Variants in SV2C observed in about 807,000 individuals in gnomAD.
The protein encoded by SV2C is synaptic vesicle glycoprotein 2C.
Under a neutral mutation model 79.7 loss-of-function variants are expected in SV2C, and 49 were observed. That is an observed-to-expected ratio of 0.61 (90% confidence interval 0.49 to 0.78). The LOEUF (loss-of-function observed/expected upper bound fraction) is 0.78. Ranked by LOEUF, SV2C falls within the 30% of genes least tolerant of loss-of-function variation. The probability of loss-of-function intolerance (pLI) is 0.00; values close to 1 mark genes in which losing one functional copy is unlikely to be tolerated. For missense variants in SV2C, 833 were observed against 912.9 expected (o/e 0.91, Z 1.13); for synonymous variants, 334 against 333.2 (o/e 1.00, Z -0.03).
the SV2C span, among the ~76,000 whole-genome samples, chr5:75,949,681 A>G: frequency 5.3e-5 from 8 of 151,986 alleles, no homozygotes; most frequent in Non-Finnish European, 1.5e-5. Flanking sequence ...GTCTGCCACC[A>G]TGTAAGATAT....
chr5:76,064,735 T>A, the SV2C span, among the ~76,000 whole-genome samples: 1 of 152,132 alleles, frequency 6.6e-6, no homozygotes, highest in African/African-American at 2.4e-5. Context: ...ATTGAGATGG[T>A]CAGAAGGTTA....
the SV2C span, among the ~76,000 whole-genome samples, chr5:75,998,011 A>G: frequency 6.6e-6 from 1 of 152,160 alleles, no homozygotes; most frequent in African/African-American, 2.4e-5. Context: ...CTATGCAGCC[A>G]TAAAAAAGGA....
intron 2 of SV2C, chr5:76,173,571 T>C: frequency 6.5e-7 from 1 of 1,530,874 alleles, no homozygotes; most frequent in Admixed American, 1.7e-5. Flanking sequence ...ATGCTGGCAC[T>C]GTTGAATTGG....
chr5:75,878,635 C>T, the SV2C span, among the ~76,000 whole-genome samples: 3,742 of 152,158 alleles, frequency 0.025, 158 homozygotes, highest in African/African-American at 0.086. Flanking sequence ...TACTGTTATT[C>T]AATGGAAATT....
the SV2C span, among the ~76,000 whole-genome samples, chr5:75,955,116 G>C: frequency 6.7e-6 from 1 of 149,148 alleles, no homozygotes; most frequent in African/African-American, 2.5e-5. Flanking sequence ...AACAAAGCTG[G>C]AGGCATCACA....
At chr5:76,320,150 T>C (rs549411406) in intron 12 of SV2C, among the ~76,000 whole-genome samples, 50 of 147,600 alleles carry the variant, frequency 3.4e-4, no homozygotes, top group African/African-American at 1.3e-3. Flanking sequence ...TCGTCTCGTC[T>C]TCCTTTTTTT....
chr5:75,920,424 T>G, the SV2C span, among the ~76,000 whole-genome samples: 3 of 152,056 alleles, frequency 2.0e-5, no homozygotes, highest in African/African-American at 7.2e-5. Context: ...CTGCCTAAGA[T>G]CTGAACCAAA....
At chr5:75,909,203 C>A in the SV2C span, among the ~76,000 whole-genome samples, 1 of 152,164 alleles carries the variant, frequency 6.6e-6, no homozygotes, top group East Asian at 1.9e-4. Flanking sequence ...CAAAATGTGG[C>A]CAAATTGGTC....
At chr5:75,901,061 A>G in the SV2C span, among the ~76,000 whole-genome samples, 1 of 152,002 alleles carries the variant, frequency 6.6e-6, no homozygotes, top group African/African-American at 2.4e-5. Context: ...TAGTTTGATC[A>G]TCTGAAGCCT....
chr5:75,981,566 G>A, the SV2C span, among the ~76,000 whole-genome samples: 5 of 151,944 alleles, frequency 3.3e-5, no homozygotes, highest in East Asian at 9.7e-4. Flanking sequence ...AAGACCACAC[G>A]CCAACAACTA....
chr5:75,941,586 T>G, the SV2C span, among the ~76,000 whole-genome samples: 23 of 152,340 alleles, frequency 1.5e-4, no homozygotes, highest in African/African-American at 5.5e-4. Context: ...TATATGGCTG[T>G]CCAGCTAAAA....
chr5:76,262,527 C>T (rs1013763431), intron 4 of SV2C, among the ~76,000 whole-genome samples: 2 of 151,976 alleles, frequency 1.3e-5, no homozygotes, highest in Non-Finnish European at 2.9e-5. Flanking sequence ...TGTTAGGTGT[C>T]GATTTTAAGG....
intron 4 of SV2C, among the ~76,000 whole-genome samples, chr5:76,231,022 G>A (rs958378009): frequency 2.0e-5 from 3 of 152,178 alleles, no homozygotes; most frequent in Non-Finnish European, 4.4e-5. Flanking sequence ...GAATGGATTA[G>A]GAACTCTCTG....
chr5:75,953,912 G>A, the SV2C span, among the ~76,000 whole-genome samples: 17,189 of 151,836 alleles, frequency 0.11, 2,790 homozygotes, highest in African/African-American at 0.36. Flanking sequence ...ACCTCCAAAT[G>A]AACTGTTTGC....
chr5:76,186,360 C>A (rs1743917631), intron 2 of SV2C, among the ~76,000 whole-genome samples: 1 of 152,168 alleles, frequency 6.6e-6, no homozygotes, highest in Admixed American at 6.6e-5. Flanking sequence ...CATTCTCACA[C>A]TGCTATGAAA....
chr5:76,037,601 G>T, the SV2C span, among the ~76,000 whole-genome samples: 47,063 of 152,036 alleles, frequency 0.31, 8,441 homozygotes, highest in East Asian at 0.49. Context: ...CAGTCTGCCC[G>T]TTCTCAGATC....
chr5:76,350,135 A>G (rs1009029008), intron 12 of SV2C, among the ~76,000 whole-genome samples: 5 of 152,194 alleles, frequency 3.3e-5, no homozygotes, highest in African/African-American at 1.2e-4. Flanking sequence ...TTAAACGATC[A>G]CAAATCTGCA....
intron 4 of SV2C, among the ~76,000 whole-genome samples, chr5:76,225,123 T>C (rs1369933465): frequency 6.6e-6 from 1 of 152,158 alleles, no homozygotes; most frequent in African/African-American, 2.4e-5. Context: ...CTGCCTAGAG[T>C]AGAGCATTAG....
chr5:76,091,438 G>T (rs897551517), intron 1 of SV2C, among the ~76,000 whole-genome samples: 1 of 152,218 alleles, frequency 6.6e-6, no homozygotes, highest in East Asian at 1.9e-4. Flanking sequence ...TCACCACAGT[G>T]TTGCCCAGCC....
Sources: allele counts gnomAD v4.1 joint callset (sites outside exome capture counted in the v4.1 genomes callset), GRCh38; gene constraint gnomAD v4.1.1; transcripts MANE v1.5; gene names NCBI Gene and HGNC (gene_info 2026-07-23, HGNC 2026-07-21).